Variants in GHDC observed in about 807,000 individuals in gnomAD.
GHDC encodes the protein GH3 domain-containing protein.
A neutral mutation model predicts 51.5 loss-of-function variants in GHDC; 39 were observed. That is an observed-to-expected ratio of 0.76 (90% CI 0.59 to 0.99). The LOEUF (loss-of-function observed/expected upper bound fraction) is 0.99, where lower values mean the gene tolerates loss of function less well. Ranked by LOEUF, GHDC falls within the 50% of genes least tolerant of loss-of-function variation. The pLI is 0.00. For synonymous variants in GHDC, 282 were observed against 305.2 expected (o/e 0.92, Z 0.79); for missense variants, 610 against 672.8 (o/e 0.91, Z 1.03).
Position 42,189,889 on chromosome 17 carries a change from GC to G in GHDC, c.1406del (p.Arg469ProfsTer95). On this transcript the variant is annotated frameshift_variant, in exon 10 of 10. Transcript: ENST00000587427. LOFTEE classifies it high-confidence loss of function. ...TGCCCCAGAACCGCAGGGACTTGTA[GC>G]GGGGAGAGGCTTCCTGAAGGCAGTG... ...LDHCLQEASP[R>X]YKSLRFWGSV... The G allele has an allele frequency of 6.5e-7, 1 of 1,549,904 alleles. No homozygotes were observed. The highest frequency in any genetic ancestry group is 2.4e-5 in the East Asian group (1 of 41,546).
rs750230171 is a variant in GHDC, at chr17:42,190,986, C to T, written c.1082+32G>A. On this transcript the variant is annotated intron_variant, in intron 6 of 9. Coordinates refer to ENST00000587427, the MANE Select transcript of GHDC (RefSeq NM_032484.5). ...AGGCCCCCAGCACGGTCCCATAGGG[C>T]CCCAGGTAGCAGGGGCTGTGCAGCT... The T allele has an allele frequency of 2.0e-5, 31 of 1,563,460 alleles. No individual in the cohort carries two copies. The South Asian group carries it at 3.6e-4, about 18-fold the overall frequency.
intron 2 of GHDC, 35 bp downstream of exon 2, chr17:42,193,732 A>C (rs2079988510): frequency 3.7e-6 from 4 of 1,073,062 alleles, no homozygotes; most frequent in Non-Finnish European, 5.2e-6. Context: ...GGTGATGCAA[A>C]GGAGAGACTA....
intron 5 of GHDC, among the ~76,000 whole-genome samples, chr17:42,191,411 G>A (rs2079968046): frequency 6.6e-6 from 1 of 152,160 alleles, no homozygotes; most frequent in Non-Finnish European, 1.5e-5. Flanking sequence ...CTGTGGTCCT[G>A]GAGGGGGCAG....
Position 42,189,402 on chromosome 17 carries a change from G to A in GHDC, c.*301C>T, listed in dbSNP as rs2079949040. 2 of 392,864 alleles carry A rather than the reference G, an allele frequency of 5.1e-6. No homozygotes were observed. The highest frequency in any genetic ancestry group is 7.3e-5 in the East Asian group (2 of 27,572). 24.3% of individuals were successfully genotyped at this position (392,864 alleles called of 1,614,324 possible). ...TGAGCACACAGCTGTGGCCACCAGA[G>A]AACCTCTTTGGGCTGTGATACAGGA... On this transcript the variant is annotated 3_prime_UTR_variant, in exon 10 of 10. Transcript: ENST00000587427.
At position 42,192,265 on chromosome 17, in the gene GHDC, A is replaced by G. The variant is rs1471536534; in HGVS notation, c.865T>C (p.Ser289Pro). 3 of 1,553,842 alleles carry G rather than the reference A, an allele frequency of 1.9e-6. No homozygotes were observed. Among genetic ancestry groups the G allele is most frequent in the Non-Finnish European group, 8.7e-7 (1 of 1,150,670 alleles). ...CCTCCCGAGGCAGCATAAGCAGGAG[A>G]GAAGAAGGCTAGTCCTTGGCACCAC... The part of the protein sequence containing the change: ...ALWCQGLAFF[S>P]PAYAASGGVL... Residue 289 changes from serine to proline, a missense_variant, in exon 5 of 10, where the codon TCT becomes CCT. Coordinates refer to ENST00000587427, the MANE Select transcript of GHDC (RefSeq NM_032484.5).
chr17:42,190,401 G>T, intron 8 of GHDC, 131 bp from the exon 9 acceptor site: 1 of 1,550,734 alleles, frequency 6.4e-7, no homozygotes, highest in South Asian at 1.2e-5. Context: ...GTGGGGAGTG[G>T]GGTAAATGGA....
At position 42,193,459 on chromosome 17, in the gene GHDC, C is replaced by G; in HGVS notation, c.123G>C (p.Trp41Cys). Residue 41 changes from tryptophan to cysteine, a missense_variant, in exon 3 of 10, where the codon TGG becomes TGC. Trp to Cys is a radical substitution (Grantham distance 215, BLOSUM62 -2). Coordinates refer to ENST00000587427, the MANE Select transcript of GHDC (RefSeq NM_032484.5). ...WLAGLQHRVAWGALVWAATWQ... is the reference protein window; with the variant it reads ...WLAGLQHRVACGALVWAATWQ... Reference sequence around the variant, plus strand: ...AGGTGGCTGCCCAGACCAGGGCCCCCCATGCCACTCGGTGCTGGAGGCCAG... The same window carrying G: ...AGGTGGCTGCCCAGACCAGGGCCCCGCATGCCACTCGGTGCTGGAGGCCAG... 6.4e-7 allele frequency: 1 copy of G among 1,556,408 alleles called. No homozygotes were observed. Among genetic ancestry groups the G allele is most frequent in the Non-Finnish European group, 8.7e-7 (1 of 1,150,082 alleles).
rs780130784 is a variant in GHDC at position 42,189,872 on chromosome 17, A to T, written c.1424T>A (p.Phe475Tyr). The T allele has an allele frequency of 4.5e-6, 7 of 1,560,600 alleles. No homozygotes were observed. The highest frequency in any genetic ancestry group is 5.2e-6 in the Non-Finnish European group (6 of 1,153,502). The change falls in exon 10 of 10, where the codon TTC becomes TAC. Residue 475 changes from phenylalanine to tyrosine, a missense_variant. By Grantham distance (22) the Phe-to-Tyr change is conservative. This residue lies in a region of GHDC where 412 missense variants were observed against 410.4 expected (regional missense o/e 1.00). Transcript: ENST00000587427. ...EASPRYKSLRFWGSVGPARVH... is the reference protein window; with the variant it reads ...EASPRYKSLRYWGSVGPARVH... ...TCTGGCAGGGCCCACGCTGCCCCAG[A>T]ACCGCAGGGACTTGTAGCGGGGAGA...
rs1567649095 is a variant in GHDC, at chr17:42,192,751, GGAAA to G, written c.388-13_388-10del. On this transcript the variant is annotated splice_polypyrimidine_tract_variant and intron_variant, in intron 4 of 9. Coordinates refer to ENST00000587427, the MANE Select transcript of GHDC (RefSeq NM_032484.5). The stretch of plus-strand genomic sequence containing the variant: ...AGACCCAGCAAGGTGGCCTGGAGGA[GGAAA>G]GAGAGAATGTTGGTCTGGTGTCAGA... 6.5e-7 allele frequency: 1 copy of G among 1,532,464 alleles called. No individual in the cohort carries two copies. Among genetic ancestry groups the G allele is most frequent in the East Asian group, 2.3e-5 (1 of 44,262 alleles). 94.9% of individuals were successfully genotyped at this position (1,532,464 alleles called of 1,614,324 possible).
rs559027453 is a variant in GHDC, at chr17:42,189,622, AG to A, written c.*80del. The stretch of plus-strand genomic sequence containing the variant: ...GACACAGAGTCAGAGACCCTGGCCA[AG>A]GACTCCCCATCCGGAGAGGTCCCAG... On this transcript the variant is annotated 3_prime_UTR_variant, in exon 10 of 10. Transcript: ENST00000587427. 95 of 669,066 alleles carry A rather than the reference AG, an allele frequency of 1.4e-4. No individual in the cohort carries two copies. Among genetic ancestry groups the A allele is most frequent in the Non-Finnish European group, 2.1e-4 (89 of 429,092 alleles). The allele number at this position is 669,066 out of a possible 1,614,324, so 41.4% of individuals were successfully genotyped here.
At position 42,189,918 on chromosome 17, in the gene GHDC, C is replaced by T; in HGVS notation, c.1378G>A (p.Asp460Asn). Residue 460 changes from aspartate (D) to asparagine (N), a missense_variant, in exon 10 of 10, where the codon GAC (aspartate) becomes AAC (asparagine). Asp to Asn is a conservative substitution (Grantham distance 23). Around this residue, in one of 2 missense-constraint regions of GHDC, gnomAD observed 412 missense variants for 410.4 expected, o/e 1.00. Coordinates refer to ENST00000587427, the MANE Select transcript of GHDC (RefSeq NM_032484.5). ...NLSEENRDKLDHCLQEASPRY... is the reference protein window; with the variant it reads ...NLSEENRDKLNHCLQEASPRY... ...GGAGAGGCTTCCTGAAGGCAGTGGT[C>T]CAGCTGGGAACAGAACAGCCTGAGT... 6.5e-7 allele frequency: 1 copy of T among 1,530,616 alleles called. No homozygotes were observed. Among genetic ancestry groups the T allele is most frequent in the Non-Finnish European group, 8.8e-7 (1 of 1,137,474 alleles). 94.8% of individuals were successfully genotyped at this position (1,530,616 alleles called of 1,614,324 possible). A position where few individuals can be genotyped will look rare whatever the true frequency, so the allele number is the denominator to read the frequency against.
intron 1 of GHDC, 128 bp downstream of exon 1, chr17:42,194,265 C>T (rs1403156792): frequency 2.6e-5 from 4 of 152,416 alleles, no homozygotes; most frequent in Admixed American, 2.6e-4. Context: ...GTCGGTCGGG[C>T]ACACAGCAGC....
rs1598287159 is a variant in GHDC at position 42,193,786 on chromosome 17, C to T, written c.-33G>A. On this transcript the variant is annotated 5_prime_UTR_variant, in exon 2 of 10. Transcript: ENST00000587427. ...ACTGACCTGAGTGCAGATCCTGCCT[C>T]TGCCGCTTGTTAGCTGTAGGGCCCT... The T allele has an allele frequency of 8.7e-6, 6 of 686,522 alleles. No homozygotes were observed. Among genetic ancestry groups the T allele is most frequent in the African/African-American group, 7.2e-5 (4 of 55,396 alleles). 42.5% of individuals were successfully genotyped at this position (686,522 alleles called of 1,614,324 possible).
Position 42,192,639 on chromosome 17 carries a change from A to C in GHDC, c.491T>G (p.Leu164Arg), listed in dbSNP as rs1168799548. ...VTLTSPWPRP[L>R]PWPGNTLGQV... ...GCCCAGGGTATTCCCAGGCCAAGGC[A>C]GGGGTCGGGGCCAAGGGGATGTAAG... Residue 164 changes from leucine to arginine, a missense_variant, in exon 5 of 10, where the codon CTG becomes CGG. Physicochemically the swap from Leu to Arg is moderately radical, Grantham distance 102. This residue lies in a region of GHDC where 198 missense variants were observed against 262.3 expected (regional missense o/e 0.75). Coordinates refer to ENST00000587427, the MANE Select transcript of GHDC (RefSeq NM_032484.5). 1.9e-6 allele frequency: 3 copies of C among 1,612,168 alleles called. No individual in the cohort carries two copies. Among genetic ancestry groups the C allele is most frequent in the Non-Finnish European group, 2.5e-6 (3 of 1,179,174 alleles).
chr17:42,193,820 T>A lies in GHDC; in HGVS notation c.-67A>T. The A allele has an allele frequency of 1.7e-6, 1 of 577,526 alleles. No individual in the cohort carries two copies. 35.8% of individuals were successfully genotyped at this position (577,526 alleles called of 1,614,324 possible). A position where few individuals can be genotyped will look rare whatever the true frequency, so the allele number is the denominator to read the frequency against. On this transcript the variant is annotated 5_prime_UTR_variant, in exon 2 of 10. Coordinates refer to ENST00000587427, the MANE Select transcript of GHDC (RefSeq NM_032484.5). ...GTTAGCTGTAGGGCCCTGAGCAATT[T>A]AGTGGGCTGCACTGAGCTCTGTTTC...
Position 42,189,628 on chromosome 17 carries a change from C to T in GHDC, c.*75G>A. 2.8e-6 allele frequency: 2 copies of T among 708,572 alleles called. No individual in the cohort carries two copies. The highest frequency in any genetic ancestry group is 4.3e-6 in the Non-Finnish European group (2 of 462,626). 43.9% of individuals were successfully genotyped at this position (708,572 alleles called of 1,614,324 possible). A position where few individuals can be genotyped will look rare whatever the true frequency, so the allele number is the denominator to read the frequency against. ...GAGTCAGAGACCCTGGCCAAGGACTCCCCATCCGGAGAGGTCCCAGAGGGA... is the reference window on the plus strand; with the variant it reads ...GAGTCAGAGACCCTGGCCAAGGACTTCCCATCCGGAGAGGTCCCAGAGGGA... On this transcript the variant is annotated 3_prime_UTR_variant, in exon 10 of 10. Transcript: ENST00000587427.
Position 42,190,859 on chromosome 17 carries a change from T to C in GHDC, c.1127A>G (p.Gln376Arg), listed in dbSNP as rs1385317554. 2.5e-6 allele frequency: 4 copies of C among 1,612,314 alleles called. No individual in the cohort carries two copies. The highest frequency in any genetic ancestry group is 2.5e-6 in the Non-Finnish European group (3 of 1,179,528). Residue 376 changes from glutamine (Q) to arginine (R), a missense_variant, in exon 7 of 10, where the codon CAG (glutamine) becomes CGG (arginine). This residue lies in a region of GHDC where 412 missense variants were observed against 410.4 expected (regional missense o/e 1.00). Coordinates refer to ENST00000587427, the MANE Select transcript of GHDC (RefSeq NM_032484.5). ...GCAGATGAACCTGACGACTGGACAC[T>C]GATTGTAGGCACCAACCACTCGCAC... ...DVVRVVGAYN[Q>R]CPVVRFICRL...
At position 42,191,023 on chromosome 17, in the gene GHDC, G is replaced by A; in HGVS notation, c.1077C>T (p.Leu359=). 1.3e-6 allele frequency: 2 copies of A among 1,574,052 alleles called. No individual in the cohort carries two copies. The highest frequency in any genetic ancestry group is 1.7e-6 in the Non-Finnish European group (2 of 1,161,178). The change falls in exon 6 of 10, where the codon CTC becomes CTT. Residue 359 remains leucine (L), a synonymous_variant. Coordinates refer to ENST00000587427, the MANE Select transcript of GHDC (RefSeq NM_032484.5). Reference sequence around the variant, plus strand: ...GGGGCTGTGCAGCTGATCACCTGGTGAGGCTGGCGCGGTCCGTCAGCACCA... The same window carrying A: ...GGGGCTGTGCAGCTGATCACCTGGTAAGGCTGGCGCGGTCCGTCAGCACCA... ...YELVLTDRAS[L]TRCRLGDVVR... is the part of the protein sequence containing the mutation.
In GHDC at chr17:42,189,715, C is replaced by G. The variant is rs150943423; in HGVS notation, c.1581G>C (p.Arg527Ser). 6.0e-5 allele frequency: 88 copies of G among 1,472,086 alleles called. No homozygotes were observed. The African/African-American group carries it at 1.0e-3, about 17-fold the overall frequency. The allele number at this position is 1,472,086 out of a possible 1,614,324, so 91.2% of individuals were successfully genotyped here. ...GGCAGGACTTGACTCAGGACACCAC[C>G]CTCTCCTGCAGACACTGGGCCAGGT... Reference protein sequence around the residue: ...HRHLAQCLQERVVS With the variant: ...HRHLAQCLQESVVS The change falls in exon 10 of 10, where the codon AGG becomes AGC. Residue 527 changes from arginine (R) to serine (S), a missense_variant. Physicochemically the swap from Arg to Ser is moderately radical, Grantham distance 110. Coordinates refer to ENST00000587427, the MANE Select transcript of GHDC (RefSeq NM_032484.5).
Sources: gnomAD v4.1 joint callset for allele counts (sites outside exome capture counted in the v4.1 genomes callset) on GRCh38, gnomAD v4.1.1 for gene constraint, gnomAD v4.1.1 regional missense constraint, MANE v1.5 for transcripts, NCBI Gene and HGNC (gene_info 2026-07-23, HGNC 2026-07-21) for gene names.